OTOGL: variants seen among roughly 807,000 people sequenced by gnomAD.
OTOGL encodes otogelin-like protein.
OTOGL carries 285 observed loss-of-function variants against 318.5 expected under a neutral mutation model. The ratio of observed to expected loss-of-function variants is 0.89; its 90% confidence interval spans 0.81 to 0.99. The LOEUF is 0.99. Ranked by LOEUF, OTOGL falls within the 50% of genes least tolerant of loss-of-function variation. OTOGL has a pLI of 0.00. For missense variants in OTOGL, 2,899 were observed against 2,845.6 expected (o/e 1.02, Z -0.43); for synonymous variants, 987 against 936.5 (o/e 1.05, Z -0.99).
intron 52 of OTOGL, 46 bp downstream of exon 52, chr12:80,358,946 GTTTA>G (rs1566013407): frequency 7.3e-7 from 1 of 1,362,340 alleles, no homozygotes; most frequent in East Asian, 2.5e-5. Flanking sequence ...ATTTAAATCT[GTTTA>G]TTCTTCCTTT....
intron 1 of OTOGL, among the ~76,000 whole-genome samples, chr12:80,132,952 T>C (rs1360066902): frequency 2.0e-5 from 3 of 152,244 alleles, no homozygotes; most frequent in Non-Finnish European, 4.4e-5. Flanking sequence ...AGATGAATAC[T>C]TAGCTTTTCC....
chr12:80,366,634 T>C lies in OTOGL; in HGVS notation c.6328T>C (p.Cys2110Arg). ...TGATTGTGGATGCATACAGTATCTC[T>C]GTGGTAACTATGTCTTTTGTAACTT... ...QSDCGCIQYL[C>R]EKDDVCVFQE... Residue 2110 changes from cysteine to arginine, a missense_variant, in exon 53 of 59, where the codon TGT (cysteine) becomes CGT (arginine). Around this residue, in one of 3 missense-constraint regions of OTOGL, gnomAD observed 289 missense variants for 304.6 expected, o/e 0.95. Transcript: ENST00000547103. The C allele has an allele frequency of 1.4e-6, 2 of 1,384,920 alleles. No individual in the cohort carries two copies. The highest frequency in any genetic ancestry group is 1.9e-6 in the Non-Finnish European group (2 of 1,055,612). 85.8% of individuals were successfully genotyped at this position (1,384,920 alleles called of 1,614,324 possible).
rs535528188 is a variant in OTOGL at position 80,222,163 on chromosome 12, G to A, written c.407G>A (p.Gly136Asp). 6 of 1,597,654 alleles carry A rather than the reference G, an allele frequency of 3.8e-6. No individual in the cohort carries two copies. The African/African-American group carries it at 6.7e-5, about 18-fold the overall frequency. The change falls in exon 7 of 59, where the codon GGC becomes GAC. Residue 136 changes from glycine to aspartate, a missense_variant. By Grantham distance (94) the Gly-to-Asp change is moderately conservative. This residue lies in a region of OTOGL where 2,607 missense variants were observed against 2,524.9 expected (regional missense o/e 1.03). Coordinates refer to ENST00000547103, the MANE Select transcript of OTOGL (RefSeq NM_001378609.3). ...CAGTATCATTTTGAAACATTCGATG[G>A]CATCTACTATTACTTCCCAGGAAAC... is the stretch of plus-strand genomic sequence containing the variant. ...WGQYHFETFD[G>D]IYYYFPGNCS...
intron 1 of OTOGL, among the ~76,000 whole-genome samples, chr12:80,174,664 A>T (rs1053852802): frequency 2.0e-5 from 3 of 152,170 alleles, no homozygotes; most frequent in Admixed American, 6.5e-5. Context: ...GCTTTATTTT[A>T]TGTATCTCCC....
At chr12:80,284,818 T>C (rs1015068762) in intron 26 of OTOGL, among the ~76,000 whole-genome samples, 1 of 152,148 alleles carries the variant, frequency 6.6e-6, no homozygotes, top group African/African-American at 2.4e-5. Context: ...ATTTTTCCCA[T>C]TTGGTAGGAT....
In OTOGL at chr12:80,296,834, A is replaced by G. The variant is rs990572792; in HGVS notation, c.2936A>G (p.Asp979Gly). The G allele has an allele frequency of 3.0e-5, 45 of 1,494,612 alleles. No individual in the cohort carries two copies. The Middle Eastern group carries it at 6.9e-4, about 23-fold the overall frequency. 92.6% of individuals were successfully genotyped at this position (1,494,612 alleles called of 1,614,324 possible). A position where few individuals can be genotyped will look rare whatever the true frequency, so the allele number is the denominator to read the frequency against. ...DCQVFLIKSADDSDISVIAQN... is the reference protein window; with the variant it reads ...DCQVFLIKSAGDSDISVIAQN... The stretch of plus-strand genomic sequence containing the variant: ...ATATTTGTGACATTTCAGAGTGCAG[A>G]TGATTCAGATATATCTGTCATTGCC... The change falls in exon 27 of 59, where the codon GAT becomes GGT. Residue 979 changes from aspartate to glycine, a missense_variant. Asp to Gly is a moderately conservative substitution (Grantham distance 94, BLOSUM62 -1). Around this residue, in one of 3 missense-constraint regions of OTOGL, gnomAD observed 2,607 missense variants for 2,524.9 expected, o/e 1.03. Coordinates refer to ENST00000547103, the MANE Select transcript of OTOGL (RefSeq NM_001378609.3).
intron 52 of OTOGL, among the ~76,000 whole-genome samples, chr12:80,361,975 A>G (rs564599847): frequency 5.9e-5 from 9 of 152,230 alleles, no homozygotes; most frequent in African/African-American, 1.7e-4. Flanking sequence ...GCAGAAGCTT[A>G]TTAGCTTGCT....
chr12:80,101,067 A>C (rs1869107085), intron 1 of OTOGL, among the ~76,000 whole-genome samples: 1 of 152,222 alleles, frequency 6.6e-6, no homozygotes, highest in Non-Finnish European at 1.5e-5. Context: ...ATAACCATGC[A>C]ATGAAAGGTA....
chr12:80,178,042 T>A (rs1198353277), intron 1 of OTOGL, among the ~76,000 whole-genome samples: 2 of 93,342 alleles, frequency 2.1e-5, no homozygotes, highest in Non-Finnish European at 5.1e-5. Context: ...ATTCTATTCT[T>A]TTCTTTCTTT....
intron 1 of OTOGL, among the ~76,000 whole-genome samples, chr12:80,121,741 A>G (rs979571290): frequency 2.6e-5 from 4 of 152,248 alleles, no homozygotes; most frequent in African/African-American, 4.8e-5. Flanking sequence ...AACTGACATT[A>G]TGAGGATGGT....
chr12:80,112,680 A>G (rs1276038037), intron 1 of OTOGL, among the ~76,000 whole-genome samples: 1 of 146,314 alleles, frequency 6.8e-6, no homozygotes, highest in Non-Finnish European at 1.5e-5. Context: ...ACTGATGTTC[A>G]TTAGGGATAT....
intron 22 of OTOGL, among the ~76,000 whole-genome samples, chr12:80,268,134 C>CT (rs1367318215): frequency 6.6e-6 from 1 of 152,138 alleles, no homozygotes; most frequent in African/African-American, 2.4e-5. Flanking sequence ...GTCCATGCAG[C>CT]AGTCCATACT....
chr12:80,202,590 G>T (rs1876538558), intron 1 of OTOGL, among the ~76,000 whole-genome samples: 1 of 152,068 alleles, frequency 6.6e-6, no homozygotes, highest in Non-Finnish European at 1.5e-5. Flanking sequence ...TATCTTTCAA[G>T]GAGGTTTTTC....
Position 80,358,241 on chromosome 12 carries a change from A to G in OTOGL, c.6020-7A>G, listed in dbSNP as rs568908160. 1.9e-4 allele frequency: 307 copies of G among 1,599,002 alleles called. No individual in the cohort carries two copies. The South Asian group carries it at 3.2e-3, about 17-fold the overall frequency. ...GCTGTGATTTTTGGCTTCTTGTTTT[A>G]CCTTAGTTTGTGAATCTTGCACCAA... On this transcript the variant is annotated splice_region_variant and splice_polypyrimidine_tract_variant and intron_variant, in intron 49 of 58. Coordinates refer to ENST00000547103, the MANE Select transcript of OTOGL (RefSeq NM_001378609.3).
At chr12:80,212,390 A>C (rs576416289) in intron 4 of OTOGL, among the ~76,000 whole-genome samples, 1 of 152,290 alleles carries the variant, frequency 6.6e-6, no homozygotes, top group South Asian at 2.1e-4. Flanking sequence ...ATATGAGTTA[A>C]ATACTGCAAA....
Position 80,339,245 on chromosome 12 carries a change from C to G in OTOGL, c.5031C>G (p.Ser1677=). Reference sequence around the variant, plus strand: ...TTGGCTTCCGATTTAACTTGTCATCCTACACAGAAGGACTCTGTGGTGAGC... The same window carrying G: ...TTGGCTTCCGATTTAACTTGTCATCGTACACAGAAGGACTCTGTGGTGAGC... The part of the protein sequence containing the change: ...IHFGFRFNLS[S]YTEGLCGICN... The change falls in exon 43 of 59, where the codon TCC becomes TCG. Residue 1677 remains serine (S), a synonymous_variant. Transcript: ENST00000547103. 1 of 1,604,238 alleles carries G rather than the reference C, an allele frequency of 6.2e-7. No individual in the cohort carries two copies. Among genetic ancestry groups the G allele is most frequent in the South Asian group, 1.1e-5 (1 of 90,868 alleles).
intron 1 of OTOGL, among the ~76,000 whole-genome samples, chr12:80,106,821 TCAG>T (rs1869481898): frequency 6.6e-6 from 1 of 152,186 alleles, no homozygotes; most frequent in African/African-American, 2.4e-5. Flanking sequence ...TTTTATCAAT[TCAG>T]CAGTGAAATG....
chr12:80,177,605 G>T (rs1448904835), intron 1 of OTOGL, among the ~76,000 whole-genome samples: 3 of 151,560 alleles, frequency 2.0e-5, no homozygotes, highest in South Asian at 2.1e-4. Flanking sequence ...TATGTCTTTT[G>T]CATTTCTACA....
chr12:80,213,923 A>T (rs1267992703), intron 4 of OTOGL, among the ~76,000 whole-genome samples: 2 of 152,220 alleles, frequency 1.3e-5, no homozygotes, highest in African/African-American at 2.4e-5. Flanking sequence ...ATGGGTAGAT[A>T]AGTGCGCAAA....
Sources: allele counts gnomAD v4.1 joint callset (sites outside exome capture counted in the v4.1 genomes callset), GRCh38; gene constraint gnomAD v4.1.1; regional missense constraint gnomAD v4.1.1; transcripts MANE v1.5; gene names NCBI Gene and HGNC (gene_info 2026-07-23, HGNC 2026-07-21).